Variants in GSG1L observed in about 807,000 individuals in gnomAD.
GSG1L encodes the protein GSG1 like.
In GSG1L, 24 loss-of-function variants were observed where a neutral mutation model predicts 42.1. That is an observed-to-expected ratio of 0.57 (90% CI 0.41 to 0.80). The LOEUF (loss-of-function observed/expected upper bound fraction) is 0.80, where lower values mean the gene tolerates loss of function less well. GSG1L is among the 30% of genes least tolerant of loss of function. The pLI is 0.00. For missense variants in GSG1L, 445 were observed against 472.2 expected (o/e 0.94, Z 0.53); for synonymous variants, 215 against 203.5 (o/e 1.06, Z -0.48).
At chr16:27,817,308 G>A (rs545953726) in intron 5 of GSG1L, among the ~76,000 whole-genome samples, 11 of 152,182 alleles carry the variant, frequency 7.2e-5, no homozygotes, top group East Asian at 3.9e-4. Context: ...GTCATCCCCC[G>A]CCATGTTCTC....
chr16:28,055,387 A>G (rs2086268233), intron 1 of GSG1L, among the ~76,000 whole-genome samples: 1 of 151,866 alleles, frequency 6.6e-6, no homozygotes, highest in South Asian at 2.1e-4. Context: ...TGAATTCCCC[A>G]AGGGATCCCA....
chr16:27,801,711 G>C (rs950362393), intron 6 of GSG1L, among the ~76,000 whole-genome samples: 1 of 152,086 alleles, frequency 6.6e-6, no homozygotes, highest in Non-Finnish European at 1.5e-5. Flanking sequence ...CCAACCAATG[G>C]AGCTGCTGAC....
intron 3 of GSG1L, among the ~76,000 whole-genome samples, chr16:27,854,261 GGGA>G (rs1261346052): frequency 6.9e-6 from 1 of 144,392 alleles, no homozygotes; most frequent in Non-Finnish European, 1.5e-5. Flanking sequence ...AAGGCAAAAG[GGGA>G]GGAGGAGGGG....
At position 28,063,328 on chromosome 16, in the gene GSG1L, A is replaced by G; in HGVS notation, c.97T>C (p.Cys33Arg). The G allele has an allele frequency of 7.1e-7, 1 of 1,401,998 alleles. No individual in the cohort carries two copies. The highest frequency in any genetic ancestry group is 9.3e-7 in the Non-Finnish European group (1 of 1,070,794). 86.8% of individuals were successfully genotyped at this position (1,401,998 alleles called of 1,614,324 possible). Reference protein sequence around the residue: ...ATTAFLTTHWCQGTQRVPKPG... With the variant: ...ATTAFLTTHWRQGTQRVPKPG... ...TTGGGGACCCGCTGCGTGCCCTGGCACCAGTGCGTGGTGAGGAAAGCGGTG... is the reference window on the plus strand; with the variant it reads ...TTGGGGACCCGCTGCGTGCCCTGGCGCCAGTGCGTGGTGAGGAAAGCGGTG... Residue 33 changes from cysteine to arginine, a missense_variant, in exon 1 of 7, where the codon TGC (cysteine) becomes CGC (arginine). This residue lies in a region of GSG1L where 156 missense variants were observed against 128.3 expected (regional missense o/e 1.22). Transcript: ENST00000447459. This position sits in a 1 kb window ranked among gnomAD's most constrained non-coding sequence, Gnocchi z 5.8.
At chr16:27,869,209 A>G (rs1286223037) in intron 3 of GSG1L, among the ~76,000 whole-genome samples, 1 of 148,000 alleles carries the variant, frequency 6.8e-6, no homozygotes, top group South Asian at 2.1e-4. Context: ...AAAAGGCTAC[A>G]GGTGAGTGGA....
At chr16:27,876,786 T>C (rs2083893164) in intron 3 of GSG1L, among the ~76,000 whole-genome samples, 1 of 152,212 alleles carries the variant, frequency 6.6e-6, no homozygotes, top group Non-Finnish European at 1.5e-5. Flanking sequence ...TTCAACTCGG[T>C]CCACACTCTT....
chr16:27,890,289 G>A (rs1327285489), intron 2 of GSG1L, among the ~76,000 whole-genome samples: 1 of 152,212 alleles, frequency 6.6e-6, no homozygotes, highest in Non-Finnish European at 1.5e-5. Flanking sequence ...CAGGCATGAT[G>A]GGGAAGGAGG....
chr16:27,842,795 TA>T (rs1370064924), intron 4 of GSG1L, among the ~76,000 whole-genome samples: 4 of 152,240 alleles, frequency 2.6e-5, no homozygotes, highest in South Asian at 4.2e-4. Context: ...GGGTCTTTTT[TA>T]AAATTATAAT....
At chr16:27,842,490 G>T (rs2083397254) in intron 4 of GSG1L, among the ~76,000 whole-genome samples, 1 of 152,174 alleles carries the variant, frequency 6.6e-6, no homozygotes, top group African/African-American at 2.4e-5. Flanking sequence ...GTAAATCTAA[G>T]ATATTATTAC....
At chr16:28,035,746 A>C (rs2086028217) in intron 1 of GSG1L, among the ~76,000 whole-genome samples, 1 of 152,160 alleles carries the variant, frequency 6.6e-6, no homozygotes, top group South Asian at 2.1e-4. Context: ...ACAACCCCTC[A>C]TTGCCCAGAT....
chr16:27,931,003 C>T (rs544881211), intron 2 of GSG1L, among the ~76,000 whole-genome samples: 1 of 152,266 alleles, frequency 6.6e-6, no homozygotes, highest in East Asian at 1.9e-4. Flanking sequence ...TCTTCCGCCT[C>T]GGCCTCCCAA....
intron 1 of GSG1L, among the ~76,000 whole-genome samples, chr16:28,051,440 G>C (rs1483832491): frequency 6.6e-6 from 1 of 151,480 alleles, no homozygotes; most frequent in Admixed American, 6.6e-5. Flanking sequence ...AAAAGCGTGG[G>C]TTGCACATCA....
intron 2 of GSG1L, among the ~76,000 whole-genome samples, chr16:27,940,231 A>T (rs2084772609): frequency 6.6e-6 from 1 of 152,066 alleles, no homozygotes; most frequent in South Asian, 2.1e-4. Context: ...GTGGAGAAAT[A>T]GGAACACTTT....
intron 3 of GSG1L, among the ~76,000 whole-genome samples, chr16:27,849,504 G>C (rs913068070): frequency 4.6e-5 from 7 of 152,086 alleles, no homozygotes; most frequent in Admixed American, 4.6e-4. Flanking sequence ...GGCTGGTGTT[G>C]CTGGCAGCTC....
chr16:27,893,116 G>A (rs752288262), intron 2 of GSG1L, among the ~76,000 whole-genome samples: 3 of 152,110 alleles, frequency 2.0e-5, no homozygotes, highest in African/African-American at 4.8e-5. Flanking sequence ...TTCAATTTGC[G>A]GCAGAGAACA....
At chr16:27,921,278 C>G (rs2084520872) in intron 2 of GSG1L, among the ~76,000 whole-genome samples, 1 of 152,160 alleles carries the variant, frequency 6.6e-6, no homozygotes, top group Non-Finnish European at 1.5e-5. Flanking sequence ...CACCGCACCC[C>G]CAGTCCTCCA....
At chr16:27,951,714 G>A (rs1480907003) in intron 2 of GSG1L, among the ~76,000 whole-genome samples, 1 of 152,158 alleles carries the variant, frequency 6.6e-6, no homozygotes, top group Non-Finnish European at 1.5e-5. Context: ...TGTGGAGAGG[G>A]GCTCCCCTCT....
intron 2 of GSG1L, among the ~76,000 whole-genome samples, chr16:27,924,636 G>C (rs958847435): frequency 6.6e-6 from 1 of 152,110 alleles, no homozygotes; most frequent in Non-Finnish European, 1.5e-5. Context: ...AGTGCTTTAG[G>C]CTGCAAGTAA....
chr16:27,914,236 T>C (rs897641843), intron 2 of GSG1L, among the ~76,000 whole-genome samples: 4 of 152,196 alleles, frequency 2.6e-5, no homozygotes, highest in Admixed American at 2.6e-4. Context: ...GAATCTCTAA[T>C]GATACAAGGA....
Sources: gnomAD v4.1 joint callset for allele counts (sites outside exome capture counted in the v4.1 genomes callset) on GRCh38, gnomAD v4.1.1 for gene constraint, gnomAD v4.1.1 regional missense constraint, Gnocchi (gnomAD v3.1) non-coding constraint, MANE v1.5 for transcripts, NCBI Gene and HGNC (gene_info 2026-07-23, HGNC 2026-07-21) for gene names.